The following C10orf90 variants were observed in gnomAD, a reference collection of about 807,000 sequenced individuals.
The protein encoded by C10orf90 is (E2-independent) E3 ubiquitin-conjugating enzyme FATS.
Under a neutral mutation model 62.5 loss-of-function variants are expected in C10orf90, and 56 were observed. The ratio of observed to expected loss-of-function variants is 0.90; its 90% CI spans 0.72 to 1.12. C10orf90 has a LOEUF of 1.12. C10orf90 is among the 50% of genes most tolerant of loss of function. C10orf90 has a pLI of 0.00. For synonymous variants in C10orf90, 386 were observed against 340.4 expected (o/e 1.13, Z -1.47); for missense variants, 970 against 880.4 (o/e 1.10, Z -1.29).
intron 2 of C10orf90, among the ~76,000 whole-genome samples, chr10:126,559,163 AG>A (rs1864846219): frequency 6.6e-6 from 1 of 152,222 alleles, no homozygotes; most frequent in East Asian, 1.9e-4. Context: ...TTATCCTCAT[AG>A]GCCAATGCCT....
intron 7 of C10orf90, among the ~76,000 whole-genome samples, chr10:126,441,728 T>G (rs1326129827): frequency 1.3e-5 from 2 of 152,180 alleles, no homozygotes; most frequent in African/African-American, 4.8e-5. Context: ...GGGCCCTATC[T>G]TCAGCCTCCT....
At chr10:126,558,254 T>C (rs1315099755) in intron 2 of C10orf90, among the ~76,000 whole-genome samples, 1 of 152,152 alleles carries the variant, frequency 6.6e-6, no homozygotes, top group African/African-American at 2.4e-5. Context: ...TCCAGCCTCA[T>C]TGTCAGAAGA....
At chr10:126,536,297 T>C (rs2133961681) in intron 2 of C10orf90, among the ~76,000 whole-genome samples, 1 of 152,306 alleles carries the variant, frequency 6.6e-6, no homozygotes, top group Non-Finnish European at 1.5e-5. Flanking sequence ...AGCATCTCCC[T>C]GTCATGGTAA....
At chr10:126,581,415 G>A (rs1282637710) in intron 2 of C10orf90, among the ~76,000 whole-genome samples, 5 of 152,166 alleles carry the variant, frequency 3.3e-5, no homozygotes, top group Admixed American at 6.5e-5. Flanking sequence ...GCCCAGTGAC[G>A]TGGACTGCAT....
chr10:126,575,148 C>T (rs1844584408), intron 2 of C10orf90, among the ~76,000 whole-genome samples: 1 of 151,930 alleles, frequency 6.6e-6, no homozygotes, highest in Non-Finnish European at 1.5e-5. Flanking sequence ...AAGTCCTAGC[C>T]AGAGCAATTC....
chr10:126,490,384 T>C (rs897990186), intron 4 of C10orf90, among the ~76,000 whole-genome samples: 1 of 151,520 alleles, frequency 6.6e-6, no homozygotes, highest in South Asian at 2.1e-4. Flanking sequence ...TAGTGTTTAA[T>C]GGGGAGTTAG....
intron 2 of C10orf90, among the ~76,000 whole-genome samples, chr10:126,637,232 G>A (rs186832365): frequency 7.2e-5 from 11 of 152,254 alleles, no homozygotes; most frequent in East Asian, 5.8e-4. Flanking sequence ...TTGATTCAGC[G>A]TGGTGAGTAG....
intron 2 of C10orf90, among the ~76,000 whole-genome samples, chr10:126,547,517 A>C (rs1382683445): frequency 1.3e-5 from 2 of 149,910 alleles, no homozygotes; most frequent in African/African-American, 4.9e-5. Flanking sequence ...AAAAAAAGAC[A>C]ATAGATGCCG....
chr10:126,578,108 G>T (rs1591115436), intron 2 of C10orf90, among the ~76,000 whole-genome samples: 1 of 152,034 alleles, frequency 6.6e-6, no homozygotes, highest in South Asian at 2.1e-4. Context: ...GAAAATAATT[G>T]CTTTATTCAT....
At chr10:126,616,079 G>A (rs1457269343) in intron 2 of C10orf90, among the ~76,000 whole-genome samples, 1 of 152,178 alleles carries the variant, frequency 6.6e-6, no homozygotes, top group African/African-American at 2.4e-5. Context: ...CTGGACCATT[G>A]ACCAGAGATA....
Position 126,670,446 on chromosome 10 carries a change from G to A in C10orf90, c.35C>T (p.Pro12Leu), listed in dbSNP as rs545978851. 6.3e-4 allele frequency: 287 copies of A among 456,646 alleles called. 5 individuals are homozygous for A. Among genetic ancestry groups the A allele is most frequent in the South Asian group, 4.2e-3 (268 of 64,566 alleles). 28.3% of individuals were successfully genotyped at this position (456,646 alleles called of 1,614,324 possible). Residue 12 changes from proline to leucine, a missense_variant, in exon 1 of 10, where the codon CCG becomes CTG. By Grantham distance (98) the Pro-to-Leu change is moderately conservative (BLOSUM62 -3). Coordinates refer to ENST00000488181, the MANE Select transcript of C10orf90 (RefSeq NM_001350921.2). ...QHSGIPTKTH[P>L]QGYAARYTET... is the part of the protein sequence containing the mutation. ...TGTGTAGCGGGCAGCATACCCCTGC[G>A]GATGAGTTTTTGTAGGAATTCCAGA...
At chr10:126,533,706 C>T (rs1864163189) in intron 2 of C10orf90, among the ~76,000 whole-genome samples, 1 of 152,186 alleles carries the variant, frequency 6.6e-6, no homozygotes, top group Non-Finnish European at 1.5e-5. Context: ...GGTTTGACTT[C>T]AGTCAAGTTA....
intron 2 of C10orf90, among the ~76,000 whole-genome samples, chr10:126,641,520 A>C (rs1846058521): frequency 2.6e-5 from 4 of 152,114 alleles, no homozygotes. Context: ...AGTCATTAAA[A>C]GTTCCAAGTG....
chr10:126,551,188 C>G (rs1025192767), intron 2 of C10orf90, among the ~76,000 whole-genome samples: 1 of 152,162 alleles, frequency 6.6e-6, no homozygotes, highest in East Asian at 1.9e-4. Context: ...GTTCTCTAGG[C>G]AAGGGATAAT....
rs547253950 is a variant in C10orf90 at position 126,456,367 on chromosome 10, G to A, written c.2188+2673C>T. On this transcript the variant is annotated intron_variant, in intron 7 of 9. Transcript: ENST00000488181. The surrounding 1 kb of genome is among the most constrained non-coding windows in gnomAD (Gnocchi z 4.9). ...CAGGGTGGCCATAAAACCCACGTTGGCCAAGTCCCACTTTGAGAGCATGCT... is the reference window on the plus strand; with the variant it reads ...CAGGGTGGCCATAAAACCCACGTTGACCAAGTCCCACTTTGAGAGCATGCT... Among the ~76,000 whole-genome samples, 9 of 152,270 alleles carry A rather than the reference G, an allele frequency of 5.9e-5. No homozygotes were observed. Among genetic ancestry groups the A allele is most frequent in the South Asian group, 4.2e-4 (2 of 4,814 alleles).
At position 126,642,339 on chromosome 10, in the gene C10orf90, T is replaced by C. The variant is rs186988815; in HGVS notation, c.313+4226A>G. On this transcript the variant is annotated intron_variant, in intron 2 of 9. Transcript: ENST00000488181. ...CGAGGTCGGGAGATCGAGACCATCC[T>C]GGCTAACATGGTGAAACCCCGTCTC... 5.1e-3 allele frequency among the ~76,000 whole-genome samples: 779 copies of C among 152,142 alleles called. 5 individuals are homozygous for C. The highest frequency in any genetic ancestry group is 0.017 in the African/African-American group (695 of 41,434).
intron 2 of C10orf90, among the ~76,000 whole-genome samples, chr10:126,560,087 C>T (rs993003316): frequency 2.0e-5 from 3 of 152,116 alleles, no homozygotes; most frequent in East Asian, 1.9e-4. Context: ...ATAATATCTG[C>T]TCTTAACAAT....
intron 2 of C10orf90, among the ~76,000 whole-genome samples, chr10:126,544,644 T>A (rs10510157): frequency 0.22 from 33,002 of 151,746 alleles, 4,239 homozygotes; most frequent in Middle Eastern, 0.38. Flanking sequence ...TAAATGAATA[T>A]AAAGAGGAAT....
At chr10:126,599,850 G>T (rs1312078111) in intron 2 of C10orf90, among the ~76,000 whole-genome samples, 1 of 152,196 alleles carries the variant, frequency 6.6e-6, no homozygotes, top group Non-Finnish European at 1.5e-5. Context: ...TTCCATCCAG[G>T]AAAGCACTGG....
Sources: gnomAD v4.1 joint callset for allele counts (sites outside exome capture counted in the v4.1 genomes callset) on GRCh38, gnomAD v4.1.1 for gene constraint, Gnocchi (gnomAD v3.1) non-coding constraint, MANE v1.5 for transcripts, NCBI Gene and HGNC (gene_info 2026-07-23, HGNC 2026-07-21) for gene names.